Variants in DGKI observed in about 807,000 individuals in gnomAD.
The protein encoded by DGKI is diacylglycerol kinase iota.
In DGKI, 55 loss-of-function variants were observed where a neutral mutation model predicts 147.5. That is an observed-to-expected ratio of 0.37 (90% CI 0.30 to 0.47). The LOEUF (loss-of-function observed/expected upper bound fraction) is 0.47. Ranked by LOEUF, DGKI falls within the 20% of genes least tolerant of loss-of-function variation. DGKI has a pLI of 1.00. For synonymous variants in DGKI, 469 were observed against 477.1 expected (o/e 0.98, Z 0.22); for missense variants, 1,007 against 1,323.8 (o/e 0.76, Z 3.71).
At chr7:137,566,804 T>G (rs1415115329) in intron 19 of DGKI, among the ~76,000 whole-genome samples, 2 of 152,166 alleles carry the variant, frequency 1.3e-5, no homozygotes, top group Non-Finnish European at 1.5e-5. Flanking sequence ...TCTAAACATA[T>G]ATTTTAAATT....
chr7:137,499,054 GA>G (rs1166444865), intron 21 of DGKI, among the ~76,000 whole-genome samples: 1 of 152,142 alleles, frequency 6.6e-6, no homozygotes, highest in African/African-American at 2.4e-5. Context: ...GCTTTCTTGG[GA>G]AACTTAAGCT....
chr7:137,577,105 A>G (rs1819009436), intron 17 of DGKI, 117 bp downstream of exon 17: 1 of 747,688 alleles, frequency 1.3e-6, no homozygotes. Flanking sequence ...ACTACACAAA[A>G]TGATCTCCAA....
chr7:137,595,236 T>C (rs927347122), intron 12 of DGKI, among the ~76,000 whole-genome samples: 2 of 152,252 alleles, frequency 1.3e-5, no homozygotes, highest in Non-Finnish European at 2.9e-5. Flanking sequence ...GTAGTCTACA[T>C]GTCAGGAGGC....
intron 1 of DGKI, among the ~76,000 whole-genome samples, chr7:137,803,421 T>C (rs745492188): frequency 1.4e-4 from 22 of 152,218 alleles, no homozygotes; most frequent in Non-Finnish European, 2.8e-4. Context: ...ATAGGAAACA[T>C]GTTAAAAAGA....
intron 2 of DGKI, among the ~76,000 whole-genome samples, chr7:137,686,240 A>T (rs1248284245): frequency 6.6e-6 from 1 of 152,196 alleles, no homozygotes; most frequent in Non-Finnish European, 1.5e-5. Flanking sequence ...AATCAGTTTG[A>T]TTGAAAAGAT....
intron 1 of DGKI, among the ~76,000 whole-genome samples, chr7:137,764,129 C>T (rs1795938377): frequency 6.6e-6 from 1 of 152,158 alleles, no homozygotes; most frequent in Non-Finnish European, 1.5e-5. Context: ...TAGGTGGATG[C>T]TCACCCTAGA....
intron 6 of DGKI, among the ~76,000 whole-genome samples, chr7:137,639,692 G>A (rs186301018): frequency 2.7e-4 from 41 of 152,168 alleles, no homozygotes; most frequent in African/African-American, 9.6e-4. Context: ...AGGGCCCCAG[G>A]GTGACCAGGG....
intron 1 of DGKI, among the ~76,000 whole-genome samples, chr7:137,782,493 C>T (rs1323323357): frequency 6.6e-6 from 1 of 152,290 alleles, no homozygotes; most frequent in Admixed American, 6.5e-5. Flanking sequence ...CTGCCCTCAC[C>T]TAGTGGTCTT....
At chr7:137,671,346 T>C (rs1822837240) in intron 3 of DGKI, among the ~76,000 whole-genome samples, 1 of 152,210 alleles carries the variant, frequency 6.6e-6, no homozygotes, top group Non-Finnish European at 1.5e-5. Context: ...TCCCACTCAG[T>C]TGTCCGCAGT....
chr7:137,689,313 A>G (rs1823527127), intron 2 of DGKI, among the ~76,000 whole-genome samples: 1 of 152,218 alleles, frequency 6.6e-6, no homozygotes, highest in African/African-American at 2.4e-5. Flanking sequence ...CTCTCAATAA[A>G]TGTGTTTAAT....
intron 1 of DGKI, among the ~76,000 whole-genome samples, chr7:137,726,044 T>C (rs940147586): frequency 2.6e-5 from 4 of 152,154 alleles, no homozygotes; most frequent in African/African-American, 9.7e-5. Context: ...AGAGACTCTT[T>C]TAAACCCCAA....
intron 1 of DGKI, among the ~76,000 whole-genome samples, chr7:137,778,673 A>G (rs1195946614): frequency 2.0e-5 from 3 of 152,200 alleles, no homozygotes; most frequent in Non-Finnish European, 4.4e-5. Flanking sequence ...CCCCCATTAA[A>G]AGACAAACTG....
chr7:137,769,277 G>C (rs1796111754), intron 1 of DGKI, among the ~76,000 whole-genome samples: 1 of 152,172 alleles, frequency 6.6e-6, no homozygotes, highest in Admixed American at 6.5e-5. Flanking sequence ...TCTGTAAGAA[G>C]AGTTTGGTAC....
At chr7:137,472,004 T>C (rs1484664343) in intron 23 of DGKI, among the ~76,000 whole-genome samples, 1 of 137,648 alleles carries the variant, frequency 7.3e-6, no homozygotes, top group Non-Finnish European at 1.5e-5. Flanking sequence ...TATATGTATA[T>C]ACAGACATAT....
At chr7:137,684,632 G>A (rs564445928) in intron 2 of DGKI, among the ~76,000 whole-genome samples, 1 of 152,336 alleles carries the variant, frequency 6.6e-6, no homozygotes, top group East Asian at 1.9e-4. Flanking sequence ...TAAAGGAATG[G>A]TGAGAGTCCC....
In DGKI at chr7:137,390,577, T is replaced by C. The variant is rs767892908; in HGVS notation, c.*643A>G. On this transcript the variant is annotated 3_prime_UTR_variant, in exon 33 of 33. Coordinates refer to ENST00000614521, the MANE Select transcript of DGKI (RefSeq NM_001321708.2). Reference sequence around the variant, plus strand: ...ATTCCTCAGAGATATAGCACACAAGTTGACATTATCCATGTGGCACTTCCC... The same window carrying C: ...ATTCCTCAGAGATATAGCACACAAGCTGACATTATCCATGTGGCACTTCCC... 1 of 152,918 alleles carries C rather than the reference T, an allele frequency of 6.5e-6. No homozygotes were observed. Among genetic ancestry groups the C allele is most frequent in the Non-Finnish European group, 1.5e-5 (1 of 68,570 alleles). The allele number at this position is 152,918 out of a possible 1,614,324, so 9.5% of individuals were successfully genotyped here. A position where few individuals can be genotyped will look rare whatever the true frequency, so the allele number is the denominator to read the frequency against.
At chr7:137,711,219 G>A (rs997800158) in intron 1 of DGKI, among the ~76,000 whole-genome samples, 1 of 152,110 alleles carries the variant, frequency 6.6e-6, no homozygotes, top group Non-Finnish European at 1.5e-5. Flanking sequence ...TATTGAAGGT[G>A]CACATAAACA....
intron 1 of DGKI, among the ~76,000 whole-genome samples, chr7:137,785,282 C>T (rs1796634752): frequency 6.6e-6 from 1 of 151,816 alleles, no homozygotes; most frequent in East Asian, 1.9e-4. Flanking sequence ...CAATTAGAAA[C>T]AAAATGGGAG....
At chr7:137,391,668 G>A (rs773780047) in intron 32 of DGKI, among the ~76,000 whole-genome samples, 8 of 152,152 alleles carry the variant, frequency 5.3e-5, no homozygotes, top group Non-Finnish European at 1.0e-4. Flanking sequence ...GGGGTAAAGC[G>A]AGTTTTGAAA....
Sources: gnomAD v4.1 joint callset for allele counts (sites outside exome capture counted in the v4.1 genomes callset) on GRCh38, gnomAD v4.1.1 for gene constraint, MANE v1.5 for transcripts, NCBI Gene and HGNC (gene_info 2026-07-23, HGNC 2026-07-21) for gene names.